Variants in DDX19B observed in about 807,000 individuals in gnomAD.
DDX19B encodes DEAD-box helicase 19B, also known as ATP-dependent RNA helicase DDX19B.
DDX19B carries 27 observed loss-of-function variants against 58.1 expected under a neutral mutation model. That is an observed-to-expected ratio of 0.46 (90% confidence interval 0.34 to 0.64). The LOEUF is 0.64. Ranked by LOEUF, DDX19B falls within the 30% of genes least tolerant of loss-of-function variation. The pLI is 0.01. For missense variants in DDX19B, 399 were observed against 596.5 expected, an observed-to-expected ratio of 0.67 and a Z score of 3.45; for synonymous variants, 187 against 214.4, an observed-to-expected ratio of 0.87 and a Z score of 1.12.
chr16:70,300,986 T>C (rs1274869211), intron 1 of DDX19B, among the ~76,000 whole-genome samples: 1 of 152,174 alleles, frequency 6.6e-6, no homozygotes, highest in Non-Finnish European at 1.5e-5. Flanking sequence ...TTCTATCAAT[T>C]CCATTTCTCC....
upstream of DDX19B, among the ~76,000 whole-genome samples, chr16:70,297,556 T>G (rs1009382025): frequency 6.6e-6 from 1 of 152,134 alleles, no homozygotes; most frequent in African/African-American, 2.4e-5. Context: ...ATTGGCAAAA[T>G]GAAAGAGGTT....
chr16:70,333,055 A>C lies in DDX19B; in HGVS notation c.1274A>C (p.His425Pro), dbSNP rs1165945177. ...AATCCTGACAATGAGACCTACCTGC[A>C]CCGGATCGGGCGCACGGGCCGCTTT... The part of the protein sequence containing the change: ...DGNPDNETYL[H>P]RIGRTGRFGK... The change falls in exon 11 of 12, where the codon CAC becomes CCC. Residue 425 changes from histidine to proline, a missense_variant. Physicochemically the swap from His to Pro is moderately conservative, Grantham distance 77. This residue lies in a region of DDX19B where 198 missense variants were observed against 345.9 expected (regional missense o/e 0.57). Transcript: ENST00000288071. 6.2e-6 allele frequency: 10 copies of C among 1,611,338 alleles called. No homozygotes were observed. The highest frequency in any genetic ancestry group is 8.5e-7 in the Non-Finnish European group (1 of 1,178,678).
At chr16:70,332,011 T>G in intron 10 of DDX19B, 127 bp downstream of exon 10, 1 of 1,385,666 alleles carries the variant, frequency 7.2e-7, no homozygotes, top group Non-Finnish European at 9.6e-7. Context: ...GTGACACTAT[T>G]CCTTTCTAGG....
intron 6 of DDX19B, among the ~76,000 whole-genome samples, chr16:70,325,129 C>A (rs766348221): frequency 6.6e-6 from 1 of 152,110 alleles, no homozygotes; most frequent in Non-Finnish European, 1.5e-5. Flanking sequence ...ACAAATAATA[C>A]GGGATATCTT....
In DDX19B at chr16:70,311,708, C is replaced by G. The variant is rs186560051; in HGVS notation, c.58-901C>G. Among the ~76,000 whole-genome samples, 9 of 152,280 alleles carry G rather than the reference C, an allele frequency of 5.9e-5. No homozygotes were observed. In the East Asian group the frequency reaches 1.7e-3, roughly 29 times the overall value. ...GTGTGCCACAATGCTTCAGGCTGTTCCCAACTACAGTATCAGACACCAGCA... is the reference window on the plus strand; with the variant it reads ...GTGTGCCACAATGCTTCAGGCTGTTGCCAACTACAGTATCAGACACCAGCA... On this transcript the variant is annotated intron_variant, in intron 1 of 11. Coordinates refer to ENST00000288071, the MANE Select transcript of DDX19B (RefSeq NM_007242.7).
At chr16:70,314,847 C>G (rs1329486490) in intron 2 of DDX19B, 55 bp from the exon 3 acceptor site, 1 of 1,587,590 alleles carries the variant, frequency 6.3e-7, no homozygotes, top group Non-Finnish European at 8.6e-7. Flanking sequence ...TGAATTGTCT[C>G]AACTGTTGGG....
chr16:70,319,164 T>A (rs1466674595), intron 5 of DDX19B, among the ~76,000 whole-genome samples: 4 of 152,190 alleles, frequency 2.6e-5, no homozygotes, highest in Non-Finnish European at 5.9e-5. Context: ...GTTTTTTAAT[T>A]ATATGATCAT....
chr16:70,324,073 T>C (rs1222253479), intron 5 of DDX19B, among the ~76,000 whole-genome samples: 2 of 152,018 alleles, frequency 1.3e-5, no homozygotes, highest in Non-Finnish European at 2.9e-5. Context: ...AAATGAGAGC[T>C]GAGGTGTAAT....
In DDX19B at chr16:70,316,071, T is replaced by C. The variant is rs1216810500; in HGVS notation, c.263T>C (p.Leu88Pro). 3 of 1,614,166 alleles carry C rather than the reference T, an allele frequency of 1.9e-6. No homozygotes were observed. The highest frequency in any genetic ancestry group is 2.7e-5 in the African/African-American group (2 of 75,044). The change falls in exon 4 of 12, where the codon CTG (leucine) becomes CCG (proline). Residue 88 changes from leucine (L) to proline (P), a missense_variant. By Grantham distance (98) the Leu-to-Pro change is moderately conservative (BLOSUM62 -3). Around this residue, in one of 4 missense-constraint regions of DDX19B, gnomAD observed 132 missense variants for 159.4 expected, o/e 0.83. Coordinates refer to ENST00000288071, the MANE Select transcript of DDX19B (RefSeq NM_007242.7). The part of the protein sequence containing the change: ...EVLQRDPNSP[L>P]YSVKSFEELR... ...CTGCAGCGGGATCCAAACTCCCCTC[T>C]GTACTCGGTGAAGTCTTTTGAAGAG...
At chr16:70,311,382 AAAAC>A (rs911437142) in intron 1 of DDX19B, among the ~76,000 whole-genome samples, 3 of 152,142 alleles carry the variant, frequency 2.0e-5, no homozygotes, top group Non-Finnish European at 2.9e-5. Context: ...TCTGTCTCAA[AAAAC>A]AAACAAACAA....
chr16:70,325,477 C>T, intron 6 of DDX19B, 97 bp from the exon 7 acceptor site: 1 of 772,682 alleles, frequency 1.3e-6, no homozygotes, highest in Non-Finnish European at 2.2e-6. Flanking sequence ...TTCTTTCCTT[C>T]AGCTTCAGCT....
chr16:70,329,790 C>T (rs200110458), intron 8 of DDX19B, 41 bp from the exon 9 acceptor site: 112 of 1,612,160 alleles, frequency 6.9e-5, no homozygotes, highest in African/African-American at 3.7e-4. Context: ...TGTCGCTTCC[C>T]GGGGCCACCT....
At chr16:70,321,296 T>G (rs1434477845) in intron 5 of DDX19B, among the ~76,000 whole-genome samples, 5 of 152,040 alleles carry the variant, frequency 3.3e-5, no homozygotes, top group African/African-American at 1.2e-4. Context: ...TGGGGTTTTC[T>G]TTTGGTGGAG....
intron 10 of DDX19B, 101 bp from the exon 11 acceptor site, chr16:70,332,867 G>A (rs1963549620): frequency 1.2e-6 from 2 of 1,605,256 alleles, no homozygotes. Flanking sequence ...TTAGTGCCGT[G>A]TTCCCTTAAT....
Position 70,329,473 on chromosome 16 carries a change from G to A in DDX19B, c.785+4G>A. The A allele has an allele frequency of 6.2e-7, 1 of 1,613,710 alleles. No individual in the cohort carries two copies. Among genetic ancestry groups the A allele is most frequent in the South Asian group, 1.1e-5 (1 of 91,056 alleles). On this transcript the variant is annotated splice_donor_region_variant and intron_variant, in intron 8 of 11. Coordinates refer to ENST00000288071, the MANE Select transcript of DDX19B (RefSeq NM_007242.7). ...ATCAGAGCATCCGCATCCAGAGGTA[G>A]GGATCTCGAGGGTGGGGGACTCCTC...
At chr16:70,331,653 C>A (rs539040217) in intron 9 of DDX19B, 69 bp from the exon 10 acceptor site, 1 of 1,550,414 alleles carries the variant, frequency 6.4e-7, no homozygotes, top group African/African-American at 1.4e-5. Context: ...TGGCAAGCCA[C>A]TTTTTAGCAG....
intron 1 of DDX19B, among the ~76,000 whole-genome samples, chr16:70,302,853 A>C (rs576814821): frequency 1.3e-5 from 2 of 152,196 alleles, no homozygotes; most frequent in Non-Finnish European, 2.9e-5. Flanking sequence ...CTGCTTTTCC[A>C]ACAGCAATGG....
intron 1 of DDX19B, among the ~76,000 whole-genome samples, chr16:70,311,309 G>A (rs1376754723): frequency 6.6e-6 from 1 of 152,104 alleles, no homozygotes; most frequent in Non-Finnish European, 1.5e-5. Context: ...GAACCCGGAA[G>A]GCAGAGCTTG....
upstream of DDX19B, among the ~76,000 whole-genome samples, chr16:70,290,873 C>G (rs1046747397): frequency 1.3e-5 from 2 of 152,172 alleles, no homozygotes; most frequent in Admixed American, 6.6e-5. Context: ...AAACCTGTGT[C>G]TATTTAACTC....
Sources: gnomAD v4.1 joint callset for allele counts (sites outside exome capture counted in the v4.1 genomes callset) on GRCh38, gnomAD v4.1.1 for gene constraint, gnomAD v4.1.1 regional missense constraint, MANE v1.5 for transcripts, NCBI Gene and HGNC (gene_info 2026-07-23, HGNC 2026-07-21) for gene names.